Variants in DOCK2 observed in about 807,000 individuals in gnomAD.
DOCK2 encodes dedicator of cytokinesis protein 2.
Under a neutral mutation model 248.9 loss-of-function variants are expected in DOCK2, and 87 were observed. The ratio of observed to expected loss-of-function variants is 0.35; its 90% confidence interval spans 0.29 to 0.42. The LOEUF (loss-of-function observed/expected upper bound fraction) is 0.42, where lower values mean the gene tolerates loss of function less well. Ranked by LOEUF, DOCK2 falls within the 10% of genes least tolerant of loss-of-function variation. The pLI is 1.00. For missense variants in DOCK2, 1,747 were observed against 2,300.2 expected (o/e 0.76, Z 4.92); for synonymous variants, 805 against 821.6 (o/e 0.98, Z 0.35).
At chr5:169,845,590 T>G (rs761074602) in intron 27 of DOCK2, among the ~76,000 whole-genome samples, 3 of 152,204 alleles carry the variant, frequency 2.0e-5, no homozygotes, top group Non-Finnish European at 2.9e-5. Context: ...TGAATGTGCT[T>G]TCCCCTCAGA....
chr5:169,802,025 A>AT (rs34538994), intron 25 of DOCK2, among the ~76,000 whole-genome samples: 47 of 146,556 alleles, frequency 3.2e-4, no homozygotes, highest in Admixed American at 2.7e-4. Context: ...ACATGTTTGG[A>AT]TTTTTTTTTT....
At chr5:169,935,012 T>C in intron 27 of DOCK2, 2 of 258,996 alleles carry the variant, frequency 7.7e-6, no homozygotes, top group South Asian at 4.1e-5. Context: ...ACTGCAGCCA[T>C]CTAAGATTCT....
At chr5:169,867,388 G>A (rs1322729461) in intron 27 of DOCK2, among the ~76,000 whole-genome samples, 1 of 151,970 alleles carries the variant, frequency 6.6e-6, no homozygotes, top group African/African-American at 2.4e-5. Context: ...TATGAGCCAG[G>A]AACCATGGGT....
chr5:169,902,923 C>T (rs1191697581), intron 27 of DOCK2, among the ~76,000 whole-genome samples: 1 of 152,044 alleles, frequency 6.6e-6, no homozygotes, highest in Non-Finnish European at 1.5e-5. Flanking sequence ...CATGGTGAAA[C>T]CCTGTCTCTA....
At chr5:169,781,959 T>G (rs1040122844) in intron 25 of DOCK2, among the ~76,000 whole-genome samples, 1 of 152,148 alleles carries the variant, frequency 6.6e-6, no homozygotes, top group Non-Finnish European at 1.5e-5. Flanking sequence ...TTGTTTTGTT[T>G]GTTGGTTTAT....
At chr5:169,847,754 G>C (rs1770398390) in intron 27 of DOCK2, among the ~76,000 whole-genome samples, 1 of 152,200 alleles carries the variant, frequency 6.6e-6, no homozygotes, top group African/African-American at 2.4e-5. Context: ...ACTGTGTTGA[G>C]GAGGATGCAG....
Position 170,067,749 on chromosome 5 carries a change from CA to C in DOCK2, c.4644+64del, listed in dbSNP as rs1237604083. 7.0e-6 allele frequency: 11 copies of C among 1,564,680 alleles called. No individual in the cohort carries two copies. The African/African-American group carries it at 1.1e-4, about 15-fold the overall frequency. On this transcript the variant is annotated intron_variant, in intron 45 of 51. Coordinates refer to ENST00000520908, the MANE Select transcript of DOCK2 (RefSeq NM_004946.3). Reference sequence around the variant, plus strand: ...TGAGCAGAGCAGTGGTGGGAGGACCCAGGGGGCAGATGCAGGTACATGTCAC... The same window carrying C: ...TGAGCAGAGCAGTGGTGGGAGGACCCGGGGGCAGATGCAGGTACATGTCAC...
chr5:169,649,826 C>T (rs964623579), intron 1 of DOCK2, among the ~76,000 whole-genome samples: 6 of 150,378 alleles, frequency 4.0e-5, no homozygotes, highest in South Asian at 2.1e-4. Context: ...TTTTTTTTGC[C>T]GGCGTCTTGC....
Position 169,638,738 on chromosome 5 carries a change from G to C in DOCK2, c.43+1369G>C, listed in dbSNP as rs530045305. Among the ~76,000 whole-genome samples, 275 of 152,298 alleles carry C rather than the reference G, an allele frequency of 1.8e-3. 4 individuals are homozygous for C. The highest frequency in any genetic ancestry group is 6.3e-3 in the African/African-American group (263 of 41,568). On this transcript the variant is annotated intron_variant, in intron 1 of 51. Coordinates refer to ENST00000520908, the MANE Select transcript of DOCK2 (RefSeq NM_004946.3). ...ATGAGACTGTAGTATTTCATGGTTT[G>C]CAAGACCAAAGGTCATGCAATCTCT...
chr5:169,641,573 TG>T (rs1340376234), intron 1 of DOCK2, among the ~76,000 whole-genome samples: 2 of 152,000 alleles, frequency 1.3e-5, no homozygotes, highest in African/African-American at 4.8e-5. Context: ...GGAGAAGTGG[TG>T]TATTTTAGGG....
intron 48 of DOCK2, 131 bp downstream of exon 48, chr5:170,077,968 C>G (rs140001891): frequency 1.0e-5 from 8 of 766,170 alleles, no homozygotes; most frequent in Admixed American, 2.5e-5. Context: ...AGCCTTTTCC[C>G]ATCTGCAGTC....
chr5:169,688,051 A>G (rs1204001822), intron 8 of DOCK2, among the ~76,000 whole-genome samples: 1 of 152,116 alleles, frequency 6.6e-6, no homozygotes, highest in Non-Finnish European at 1.5e-5. Flanking sequence ...CAGCCACCCT[A>G]GTAGCTGGGA....
intron 44 of DOCK2, among the ~76,000 whole-genome samples, chr5:170,058,347 C>T (rs11134604): frequency 6.6e-6 from 1 of 151,916 alleles, no homozygotes; most frequent in Non-Finnish European, 1.5e-5. Context: ...GTTGTAAGAC[C>T]TAGAGATTCT....
intron 2 of DOCK2, among the ~76,000 whole-genome samples, chr5:169,665,657 A>G (rs896748809): frequency 2.6e-5 from 4 of 152,124 alleles, no homozygotes; most frequent in African/African-American, 7.2e-5. Context: ...TGCCAGATGC[A>G]TACACTTTTT....
intron 22 of DOCK2, 23 bp from the exon 23 acceptor site, chr5:169,747,373 G>T: frequency 5.0e-6 from 8 of 1,592,830 alleles, no homozygotes; most frequent in Non-Finnish European, 6.8e-6. Context: ...CTTGAGAAAT[G>T]ACCCAGATGT....
chr5:170,082,898 G>T lies in DOCK2; in HGVS notation c.*40G>T. 1.2e-6 allele frequency: 2 copies of T among 1,613,608 alleles called. No homozygotes were observed. Among genetic ancestry groups the T allele is most frequent in the Non-Finnish European group, 1.7e-6 (2 of 1,179,672 alleles). On this transcript the variant is annotated 3_prime_UTR_variant, in exon 52 of 52. Transcript: ENST00000520908. The stretch of plus-strand genomic sequence containing the variant: ...GGGCTGCATGGGAGAGCCAGGGAGG[G>T]GAGTTTCTGGAAGAGGAAAGCCATG...
intron 27 of DOCK2, among the ~76,000 whole-genome samples, chr5:169,870,975 G>A (rs1163292260): frequency 6.6e-6 from 1 of 152,098 alleles, no homozygotes; most frequent in Non-Finnish European, 1.5e-5. Context: ...CTGTTAGTTG[G>A]GTGTCTGGTA....
intron 26 of DOCK2, among the ~76,000 whole-genome samples, chr5:169,834,957 G>A (rs905002681): frequency 4.6e-5 from 7 of 152,160 alleles, no homozygotes; most frequent in Non-Finnish European, 1.0e-4. Flanking sequence ...TAGCAGAAGA[G>A]ACCATTGTAA....
chr5:169,880,887 CA>C (rs1460382448), intron 27 of DOCK2, among the ~76,000 whole-genome samples: 2 of 152,170 alleles, frequency 1.3e-5, no homozygotes, highest in Non-Finnish European at 2.9e-5. Flanking sequence ...TAGAAATGAA[CA>C]TAAAGTTCTT....
Sources: gnomAD v4.1 joint callset for allele counts (sites outside exome capture counted in the v4.1 genomes callset) on GRCh38, gnomAD v4.1.1 for gene constraint, MANE v1.5 for transcripts, NCBI Gene and HGNC (gene_info 2026-07-23, HGNC 2026-07-21) for gene names.